Variants in SLC7A9 observed in about 807,000 individuals in gnomAD.
SLC7A9 encodes the protein solute carrier family 7 member 9.
SLC7A9 carries 38 observed loss-of-function variants against 54.1 expected under a neutral mutation model. The ratio of observed to expected loss-of-function variants is 0.70; its 90% CI spans 0.54 to 0.92. SLC7A9 has a LOEUF of 0.92. Ranked by LOEUF, SLC7A9 falls within the 40% of genes least tolerant of loss-of-function variation. The pLI, the probability that SLC7A9 is intolerant of heterozygous loss-of-function variation, is 0.00. For missense variants in SLC7A9, 537 were observed against 636.1 expected (o/e 0.84, Z 1.68); for synonymous variants, 264 against 258.9 (o/e 1.02, Z -0.19).
At chr19:32,843,498 C>T (rs1349595575) in intron 10 of SLC7A9, among the ~76,000 whole-genome samples, 3 of 152,040 alleles carry the variant, frequency 2.0e-5, no homozygotes, top group Non-Finnish European at 1.5e-5. Flanking sequence ...CACAAGGATC[C>T]GGTGACTTCT....
intron 2 of SLC7A9, among the ~76,000 whole-genome samples, chr19:32,867,380 G>A (rs1969001754): frequency 6.6e-6 from 1 of 152,140 alleles, no homozygotes; most frequent in African/African-American, 2.4e-5. Context: ...GGCAGAGCAT[G>A]GTGGTGTGCT....
rs1968202535 is a variant in SLC7A9, at chr19:32,843,911, CT to C, written c.1017del (p.Val340CysfsTer22). On this transcript the variant is annotated frameshift_variant, in exon 10 of 13. Transcript: ENST00000023064. LOFTEE classifies it high-confidence loss of function. The part of the protein sequence containing the change: ...YVAGREGHML[K>X]VLSYISVRRL... ...CGCCTGACGCTGATGTAAGAAAGCA[CT>C]TTGAGCATGTGACCCTCCCGGCCCG... 4 of 1,613,954 alleles carry C rather than the reference CT, an allele frequency of 2.5e-6. No homozygotes were observed. In the East Asian group the frequency reaches 8.9e-5, roughly 36 times the overall value.
At chr19:32,842,357 A>G (rs1165514899) in intron 10 of SLC7A9, 40 bp from the exon 11 acceptor site, 1 of 1,586,598 alleles carries the variant, frequency 6.3e-7, no homozygotes, top group African/African-American at 1.3e-5. Flanking sequence ...CATTACTACA[A>G]AACACTGTTC....
At chr19:32,830,805 G>A in intron 12 of SLC7A9, 121 bp from the exon 13 acceptor site, 1 of 735,132 alleles carries the variant, frequency 1.4e-6, no homozygotes, top group Non-Finnish European at 2.3e-6. Context: ...CCTAGACCCT[G>A]TGCTCAGGAT....
At chr19:32,851,569 G>GGTGGGACTGTAAACTAGTTCAACCATT (rs1968467516) in intron 9 of SLC7A9, among the ~76,000 whole-genome samples, 1 of 151,522 alleles carries the variant, frequency 6.6e-6, no homozygotes, top group South Asian at 2.1e-4. Context: ...TTACACTGTT[G>GGTGGGACTGTAAACTAGTTCAACCATT]GTGGGACTGT....
intron 11 of SLC7A9, among the ~76,000 whole-genome samples, chr19:32,837,624 TGAC>T (rs1968000369): frequency 6.6e-6 from 1 of 152,084 alleles, no homozygotes; most frequent in Admixed American, 6.6e-5. Context: ...TAATTTTTGG[TGAC>T]CAAACAGTTA....
At position 32,835,630 on chromosome 19, in the gene SLC7A9, C is replaced by A. The variant is rs559467796; in HGVS notation, c.1225-2307G>T. Among the ~76,000 whole-genome samples the A allele has an allele frequency of 9.9e-5, 15 of 152,184 alleles. No individual in the cohort carries two copies. In the South Asian group the frequency reaches 2.9e-3, roughly 29 times the overall value. On this transcript the variant is annotated intron_variant, in intron 11 of 12. Coordinates refer to ENST00000023064, the MANE Select transcript of SLC7A9 (RefSeq NM_014270.5). ...AGCATTGAAAAAGGAGGAAAACTTT[C>A]AAAAAGACTGATTATTATTCACTCA...
chr19:32,844,857 C>CAAAAAAAAAAAAAA lies in SLC7A9; in HGVS notation c.978-920_978-907dup, dbSNP rs386388892. 6.9e-4 allele frequency among the ~76,000 whole-genome samples: 21 copies of CAAAAAAAAAAAAAA among 30,312 alleles called. 2 individuals are homozygous for CAAAAAAAAAAAAAA. Among genetic ancestry groups the CAAAAAAAAAAAAAA allele is most frequent in the Non-Finnish European group, 1.1e-3 (19 of 16,988 alleles). The allele number at this position is 30,312 out of a possible 152,430, so 19.9% of individuals were successfully genotyped here. A position where few individuals can be genotyped will look rare whatever the true frequency, so the allele number is the denominator to read the frequency against. On this transcript the variant is annotated intron_variant, in intron 9 of 12. Coordinates refer to ENST00000023064, the MANE Select transcript of SLC7A9 (RefSeq NM_014270.5). ...TGGACGACAGAGTGAGAATCCATCT[C>CAAAAAAAAAAAAAA]AAAAAAAAAAAAAAAAAAAAAAAAA...
At chr19:32,860,053 A>T (rs761326862) in intron 7 of SLC7A9, 89 bp from the exon 8 acceptor site, 2 of 1,609,500 alleles carry the variant, frequency 1.2e-6, no homozygotes, top group South Asian at 2.2e-5. Context: ...CCCAGGGAGA[A>T]GATTCGCAGG....
At chr19:32,862,258 G>T in intron 5 of SLC7A9, 41 bp from the exon 6 acceptor site, 2 of 1,532,310 alleles carry the variant, frequency 1.3e-6, no homozygotes, top group Non-Finnish European at 9.0e-7. Context: ...TGTCAACCGG[G>T]CAGATCTTGA....
At chr19:32,868,899 G>T (rs1229398917) in intron 1 of SLC7A9, among the ~76,000 whole-genome samples, 2 of 151,792 alleles carry the variant, frequency 1.3e-5, no homozygotes, top group Non-Finnish European at 2.9e-5. Context: ...TTTTTCAAAA[G>T]TAAAAAGAAA....
rs1968741463 is a variant in SLC7A9, at chr19:32,859,834, CA to C, written c.873+6del. ...GCCCCCGCCAGCAGCGATGCCCGGG[CA>C]CTCACCACAGCCACCGCCTGGGACT... On this transcript the variant is annotated splice_donor_region_variant and intron_variant, in intron 8 of 12. Transcript: ENST00000023064. 1 of 1,611,636 alleles carries C rather than the reference CA, an allele frequency of 6.2e-7. No homozygotes were observed. The highest frequency in any genetic ancestry group is 8.5e-7 in the Non-Finnish European group (1 of 1,177,866).
intron 9 of SLC7A9, among the ~76,000 whole-genome samples, chr19:32,847,457 G>A (rs903691467): frequency 4.6e-5 from 7 of 152,162 alleles, no homozygotes; most frequent in African/African-American, 1.7e-4. Context: ...TGAAATGAAT[G>A]AAATGAAGCG....
rs760264924 is a variant in SLC7A9, at chr19:32,842,191, T to A, written c.1201A>T (p.Lys401Ter). 1 of 1,614,176 alleles carries A rather than the reference T, an allele frequency of 6.2e-7. No homozygotes were observed. The highest frequency in any genetic ancestry group is 2.2e-5 in the East Asian group (1 of 44,882). The change falls in exon 11 of 13, where the codon AAA becomes TAA. Residue 401 changes from lysine (K) to a stop codon, truncating the protein, a stop_gained. Transcript: ENST00000023064. LOFTEE classifies it high-confidence loss of function. ...ACCTTGATAGGCCTTTCCAGCTCTTTCCTTGTAAATCTCATCACGATGAGT... is the reference window on the plus strand; with the variant it reads ...ACCTTGATAGGCCTTTCCAGCTCTTACCTTGTAAATCTCATCACGATGAGT... Reference protein sequence around the residue: ...LGLIVMRFTRKELERPIKVPV... With the variant: ...LGLIVMRFTR
In SLC7A9 at chr19:32,860,394, T is replaced by TA. The variant is rs1968763465; in HGVS notation, c.749+211dup. ...CAACATGGCAAAATCTCATCTCTAC[T>TA]AAAAAAATACAAAAATGAGTGAGCT... On this transcript the variant is annotated intron_variant, in intron 7 of 12. Transcript: ENST00000023064. 1.5e-5 allele frequency: 20 copies of TA among 1,351,424 alleles called. 1 individual carries two copies. Among genetic ancestry groups the TA allele is most frequent in the Middle Eastern group, 5.0e-4 (2 of 3,994 alleles). 83.7% of individuals were successfully genotyped at this position (1,351,424 alleles called of 1,614,324 possible).
At chr19:32,848,205 A>G (rs62124979) in intron 9 of SLC7A9, among the ~76,000 whole-genome samples, 3,705 of 121,098 alleles carry the variant, frequency 0.031, no homozygotes, top group African/African-American at 0.036. Context: ...TTAAATGTAA[A>G]TGGGCTAAAT....
intron 11 of SLC7A9, among the ~76,000 whole-genome samples, chr19:32,835,959 G>A (rs751649878): frequency 1.3e-5 from 2 of 151,684 alleles, no homozygotes; most frequent in Non-Finnish European, 1.5e-5. Flanking sequence ...TTGTCACCCA[G>A]GCTGGAGTGC....
chr19:32,858,495 A>G lies in SLC7A9; in HGVS notation c.922T>C (p.Phe308Leu), dbSNP rs770811201. Residue 308 changes from phenylalanine (F) to leucine (L), a missense_variant, in exon 9 of 13, where the codon TTT becomes CTT. Phe to Leu is a conservative substitution (Grantham distance 22). Coordinates refer to ENST00000023064, the MANE Select transcript of SLC7A9 (RefSeq NM_014270.5). ...LYPASWIVPL[F>L]VAFSTIGAAN... ...GCACCGATGGTTGAAAATGCCACAA[A>G]AAGTGGAACGATCCAAGAAGCAGGA... 9.3e-6 allele frequency: 15 copies of G among 1,613,588 alleles called. No homozygotes were observed. Among genetic ancestry groups the G allele is most frequent in the Non-Finnish European group, 1.3e-5 (15 of 1,179,958 alleles).
intron 7 of SLC7A9, chr19:32,860,299 G>A (rs1968760755): frequency 7.2e-7 from 1 of 1,394,074 alleles, no homozygotes; most frequent in Non-Finnish European, 9.3e-7. Flanking sequence ...GCTCACACCT[G>A]TAATCCCAGC....
Sources: allele counts gnomAD v4.1 joint callset (sites outside exome capture counted in the v4.1 genomes callset), GRCh38; gene constraint gnomAD v4.1.1; transcripts MANE v1.5; gene names NCBI Gene and HGNC (gene_info 2026-07-23, HGNC 2026-07-21).